VGLL4: variants seen among roughly 807,000 people sequenced by gnomAD.
VGLL4 encodes transcription cofactor vestigial-like protein 4.
In VGLL4, 7 loss-of-function variants were observed where a neutral mutation model predicts 21.0. The ratio of observed to expected loss-of-function variants is 0.33; its 90% CI spans 0.19 to 0.63. The LOEUF (loss-of-function observed/expected upper bound fraction) is 0.63. Among genes scored for constraint, VGLL4 ranks in the 20% least tolerant of loss-of-function variants. The pLI is 0.78. For missense variants in VGLL4, 394 were observed against 425.7 expected, an observed-to-expected ratio of 0.93 and a Z score of 0.66; for synonymous variants, 222 against 173.2, an observed-to-expected ratio of 1.28 and a Z score of -2.21.
At chr3:11,569,139 C>T (rs755735322) in intron 2 of VGLL4, among the ~76,000 whole-genome samples, 25 of 152,280 alleles carry the variant, frequency 1.6e-4, no homozygotes, top group Admixed American at 7.2e-4. Context: ...AAGTGCACTG[C>T]GTCTATTTGA....
chr3:11,628,646 C>A (rs1005800164), intron 1 of VGLL4, among the ~76,000 whole-genome samples: 1 of 151,058 alleles, frequency 6.6e-6, no homozygotes, highest in African/African-American at 2.4e-5. Context: ...CGGTGAAACC[C>A]CGTCTCTACT....
intron 2 of VGLL4, among the ~76,000 whole-genome samples, chr3:11,662,104 TC>T (rs2076046978): frequency 6.6e-6 from 1 of 152,090 alleles, no homozygotes. Context: ...AGAAACATTC[TC>T]CCTGGCTAAC....
At chr3:11,591,872 A>G (rs1242020387) in intron 2 of VGLL4, among the ~76,000 whole-genome samples, 2 of 152,248 alleles carry the variant, frequency 1.3e-5, no homozygotes, top group African/African-American at 4.8e-5. Flanking sequence ...ACTGACATAC[A>G]TGGGGCAAAG....
chr3:11,645,406 C>T (rs938328018), upstream of VGLL4, among the ~76,000 whole-genome samples: 6 of 148,100 alleles, frequency 4.1e-5, no homozygotes, highest in African/African-American at 1.2e-4. Flanking sequence ...CTGGCTAACA[C>T]GGTGAAACCC....
upstream of VGLL4, among the ~76,000 whole-genome samples, chr3:11,646,378 G>A (rs9310387): frequency 0.57 from 86,860 of 151,986 alleles, 24,992 homozygotes; most frequent in African/African-American, 0.6. Flanking sequence ...ATCCATCATT[G>A]TCCCACATGG....
intron 2 of VGLL4, among the ~76,000 whole-genome samples, chr3:11,591,442 T>C (rs761996600): frequency 2.6e-4 from 40 of 152,224 alleles, no homozygotes; most frequent in Non-Finnish European, 4.8e-4. Context: ...TTCTGTGTCG[T>C]CGTTTGGCCA....
intron 2 of VGLL4, among the ~76,000 whole-genome samples, chr3:11,650,422 T>C (rs2075853626): frequency 6.6e-6 from 1 of 152,174 alleles, no homozygotes; most frequent in Non-Finnish European, 1.5e-5. Flanking sequence ...CAAATACTCT[T>C]CTATTTAATA....
intron 2 of VGLL4, among the ~76,000 whole-genome samples, chr3:11,570,222 C>T (rs1309522511): frequency 6.6e-6 from 1 of 152,056 alleles, no homozygotes; most frequent in East Asian, 1.9e-4. Context: ...CGCTCAGGGT[C>T]GTCACACCAG....
intron 2 of VGLL4, among the ~76,000 whole-genome samples, chr3:11,696,403 C>G (rs2076607378): frequency 6.6e-6 from 1 of 152,180 alleles, no homozygotes; most frequent in Admixed American, 6.5e-5. Context: ...CATGCCTGCC[C>G]CTTTGCTGTA....
At chr3:11,582,575 T>C (rs1401600332) in intron 2 of VGLL4, among the ~76,000 whole-genome samples, 1 of 152,180 alleles carries the variant, frequency 6.6e-6, no homozygotes, top group African/African-American at 2.4e-5. Flanking sequence ...ACAGTTCCAT[T>C]TGGTGAGAAA....
chr3:11,719,060 C>A lies in VGLL4; in HGVS notation c.-14+1334G>T, dbSNP rs932111308. Among the ~76,000 whole-genome samples the A allele has an allele frequency of 6.6e-6, 1 of 152,218 alleles. No homozygotes were observed. The highest frequency in any genetic ancestry group is 1.5e-5 in the Non-Finnish European group (1 of 68,046). The stretch of plus-strand genomic sequence containing the variant: ...CCTGTGCTCTTCCGCGAGGCCTGCA[C>A]TGGGTGCAGGGAGAGTGTGCAGTCC... On this transcript the variant is annotated intron_variant, in intron 1 of 5. Coordinates refer to the VGLL4 transcript ENST00000273038. The surrounding 1 kb of genome is among the most constrained non-coding windows in gnomAD (Gnocchi z 4.0).
chr3:11,600,184 A>AT (rs982154901), intron 2 of VGLL4, among the ~76,000 whole-genome samples: 14 of 152,154 alleles, frequency 9.2e-5, no homozygotes, highest in Non-Finnish European at 1.8e-4. Flanking sequence ...AGCTCTATAC[A>AT]TTAACTATTA....
chr3:11,670,870 T>A (rs2125367349), intron 2 of VGLL4, among the ~76,000 whole-genome samples: 1 of 152,218 alleles, frequency 6.6e-6, no homozygotes, highest in South Asian at 2.1e-4. Context: ...AAACCCCACC[T>A]CTACTAAAAA....
chr3:11,650,718 AAC>A (rs10539636), intron 2 of VGLL4, among the ~76,000 whole-genome samples: 75,937 of 147,314 alleles, frequency 0.52, 19,150 homozygotes, highest in East Asian at 0.57. Flanking sequence ...ACACATAGAA[AAC>A]ACACACACAC....
chr3:11,600,445 A>T (rs2074766322), intron 2 of VGLL4, among the ~76,000 whole-genome samples: 1 of 151,894 alleles, frequency 6.6e-6, no homozygotes, highest in Non-Finnish European at 1.5e-5. Context: ...AATTCGTGGG[A>T]ATAAAAGAAT....
chr3:11,671,167 C>T lies in VGLL4; in HGVS notation c.64+31804G>A, dbSNP rs1351789957. 5.9e-6 allele frequency: 8 copies of T among 1,366,558 alleles called. No individual in the cohort carries two copies. In the Admixed American group the frequency reaches 1.8e-4, roughly 30 times the overall value. The allele number at this position is 1,366,558 out of a possible 1,614,324, so 84.7% of individuals were successfully genotyped here. Reference sequence around the variant, plus strand: ...AGTAATGAGGCTTTAGATAAACATACCACACTTTTCTTTGCAATACTATTT... The same window carrying T: ...AGTAATGAGGCTTTAGATAAACATATCACACTTTTCTTTGCAATACTATTT... On this transcript the variant is annotated intron_variant, in intron 2 of 5. Transcript: ENST00000273038.
chr3:11,654,109 A>G (rs775954044), intron 2 of VGLL4, among the ~76,000 whole-genome samples: 9 of 152,060 alleles, frequency 5.9e-5, no homozygotes, highest in Non-Finnish European at 1.2e-4. Context: ...ACAACAAAGC[A>G]TTATTTGGCA....
chr3:11,634,315 T>TC (rs1295996755), intron 1 of VGLL4, among the ~76,000 whole-genome samples: 1 of 151,838 alleles, frequency 6.6e-6, no homozygotes, highest in Admixed American at 6.6e-5. Context: ...CCTTAGTGTC[T>TC]CCTACGTCCT....
At chr3:11,579,777 GAC>G (rs1285458050) in intron 2 of VGLL4, among the ~76,000 whole-genome samples, 3 of 152,060 alleles carry the variant, frequency 2.0e-5, no homozygotes, top group Admixed American at 1.3e-4. Context: ...TGGTAATGGT[GAC>G]TCTTCACTAC....
Sources: allele counts gnomAD v4.1 joint callset (sites outside exome capture counted in the v4.1 genomes callset), GRCh38; gene constraint gnomAD v4.1.1; non-coding constraint Gnocchi (gnomAD v3.1); transcripts MANE v1.5; gene names NCBI Gene and HGNC (gene_info 2026-07-23, HGNC 2026-07-21).